Variants in GPC6 observed in about 807,000 individuals in gnomAD.
GPC6 encodes the protein glypican 6.
GPC6 carries 14 observed loss-of-function variants against 55.2 expected under a neutral mutation model. The ratio of observed to expected loss-of-function variants is 0.25; its 90% CI spans 0.17 to 0.40. The LOEUF (loss-of-function observed/expected upper bound fraction) is 0.40, where lower values mean the gene tolerates loss of function less well. GPC6 is among the 10% of genes least tolerant of loss of function. The pLI, the probability that GPC6 is intolerant of heterozygous loss-of-function variation, is 1.00. For synonymous variants in GPC6, 278 were observed against 259.6 expected (o/e 1.07, Z -0.68); for missense variants, 641 against 708.5 (o/e 0.90, Z 1.08).
chr13:93,496,847 G>A (rs974388050), intron 1 of GPC6, among the ~76,000 whole-genome samples: 1 of 152,138 alleles, frequency 6.6e-6, no homozygotes, highest in African/African-American at 2.4e-5. Flanking sequence ...CTGACACAGA[G>A]GACTTATTTT....
chr13:94,247,497 G>A (rs1353800119), intron 4 of GPC6, among the ~76,000 whole-genome samples: 5 of 152,066 alleles, frequency 3.3e-5, no homozygotes, highest in Middle Eastern at 3.4e-3. Flanking sequence ...GCATAAATGG[G>A]TCTTTATAAT....
intron 3 of GPC6, among the ~76,000 whole-genome samples, chr13:93,993,149 C>T (rs1881385755): frequency 6.6e-6 from 1 of 152,032 alleles, no homozygotes; most frequent in African/African-American, 2.4e-5. Context: ...AAATTTCTCA[C>T]CTGCATTATG....
intron 4 of GPC6, among the ~76,000 whole-genome samples, chr13:94,067,500 CTCTG>C (rs1298357775): frequency 5.9e-5 from 9 of 151,858 alleles, no homozygotes; most frequent in Non-Finnish European, 1.0e-4. Context: ...CTCTCTCTCT[CTCTG>C]TGTCTATGTA....
At chr13:94,395,166 C>A (rs939569677) in intron 7 of GPC6, among the ~76,000 whole-genome samples, 1 of 152,150 alleles carries the variant, frequency 6.6e-6, no homozygotes, top group Non-Finnish European at 1.5e-5. Context: ...CGGAGCCTGG[C>A]TCATATAATT....
chr13:94,044,251 C>A (rs1048886318), intron 4 of GPC6, among the ~76,000 whole-genome samples: 1 of 151,630 alleles, frequency 6.6e-6, no homozygotes, highest in African/African-American at 2.4e-5. Flanking sequence ...ATTATATTTC[C>A]TTTTTTCTTA....
intron 1 of GPC6, among the ~76,000 whole-genome samples, chr13:93,489,900 A>C (rs936667313): frequency 6.6e-6 from 1 of 151,594 alleles, no homozygotes; most frequent in Non-Finnish European, 1.5e-5. Context: ...ATATACAATC[A>C]TGTCATCTGC....
intron 1 of GPC6, among the ~76,000 whole-genome samples, chr13:93,265,245 A>G (rs1328367): frequency 0.036 from 5,502 of 152,302 alleles, 186 homozygotes; most frequent in East Asian, 0.11. Context: ...AAAGAAATCA[A>G]TGTGTTTGTT....
chr13:93,635,239 CTT>C (rs1327124204), intron 2 of GPC6, among the ~76,000 whole-genome samples: 1 of 151,980 alleles, frequency 6.6e-6, no homozygotes, highest in Middle Eastern at 3.4e-3. Flanking sequence ...TAGGAACAGT[CTT>C]ATTTTATGAG....
intron 3 of GPC6, among the ~76,000 whole-genome samples, chr13:94,011,722 G>T (rs1439942370): frequency 6.6e-6 from 1 of 152,042 alleles, no homozygotes; most frequent in Non-Finnish European, 1.5e-5. Flanking sequence ...ATTCCGTATG[G>T]TGTGCTGCCC....
chr13:93,226,591 T>G (rs548069435), upstream of GPC6: 1 of 152,372 alleles, frequency 6.6e-6, no homozygotes, highest in African/African-American at 2.4e-5. Context: ...CTTAATAACA[T>G]GTTAATGACT....
intron 1 of GPC6, among the ~76,000 whole-genome samples, chr13:93,385,476 A>G (rs1875359726): frequency 6.6e-6 from 1 of 152,236 alleles, no homozygotes; most frequent in African/African-American, 2.4e-5. Flanking sequence ...AATGGTTTAG[A>G]GGCACCTAAA....
intron 6 of GPC6, among the ~76,000 whole-genome samples, chr13:94,333,954 G>C (rs1314828759): frequency 6.6e-6 from 1 of 152,098 alleles, no homozygotes; most frequent in African/African-American, 2.4e-5. Context: ...GAGAGAGAAA[G>C]GTCATTTTAA....
At chr13:93,661,326 G>A (rs1880911985) in intron 2 of GPC6, among the ~76,000 whole-genome samples, 1 of 152,024 alleles carries the variant, frequency 6.6e-6, no homozygotes, top group Non-Finnish European at 1.5e-5. Context: ...CGATTCTCCT[G>A]CCTTAGCCTT....
intron 2 of GPC6, among the ~76,000 whole-genome samples, chr13:93,557,770 G>A (rs186833259): frequency 6.6e-6 from 1 of 152,296 alleles, no homozygotes; most frequent in East Asian, 1.9e-4. Flanking sequence ...AACTGAAGAA[G>A]TTTGGGGGCC....
At chr13:93,947,877 C>A (rs1271374614) in intron 3 of GPC6, among the ~76,000 whole-genome samples, 1 of 152,042 alleles carries the variant, frequency 6.6e-6, no homozygotes, top group Non-Finnish European at 1.5e-5. Flanking sequence ...AAAATATAGT[C>A]TGAGCACGTA....
In GPC6 at chr13:93,399,047, T is replaced by TACACAC. The variant is rs960083642; in HGVS notation, c.161-146208_161-146203dup. On this transcript the variant is annotated intron_variant, in intron 1 of 8. Coordinates refer to ENST00000377047, the MANE Select transcript of GPC6 (RefSeq NM_005708.5). ...GTTCCCTCTCCCCACATCTCTCTCC[T>TACACAC]ACACACACACACAGACACACACACA... Among the ~76,000 whole-genome samples the TACACAC allele has an allele frequency of 2.5e-4, 25 of 98,456 alleles. No homozygotes were observed. In the South Asian group the frequency reaches 5.0e-3, roughly 20 times the overall value. 64.6% of individuals were successfully genotyped at this position (98,456 alleles called of 152,430 possible). A position where few individuals can be genotyped will look rare whatever the true frequency, so the allele number is the denominator to read the frequency against.
intron 3 of GPC6, among the ~76,000 whole-genome samples, chr13:93,988,553 T>C (rs778529994): frequency 6.6e-6 from 1 of 152,162 alleles, no homozygotes; most frequent in Non-Finnish European, 1.5e-5. Context: ...GCCAGCACAT[T>C]GTGTCTGGTG....
In GPC6 at chr13:93,654,799, A is replaced by G. The variant is rs139406493; in HGVS notation, c.319+109378A>G. ...AGCCTAGAATATTTTCTTAAAAGCA[A>G]ACTTCCAATATGAATCCAAAGACAT... On this transcript the variant is annotated intron_variant, in intron 2 of 8. Coordinates refer to ENST00000377047, the MANE Select transcript of GPC6 (RefSeq NM_005708.5). Among the ~76,000 whole-genome samples the G allele has an allele frequency of 5.4e-3, 823 of 151,932 alleles. 2 individuals are homozygous for G. The highest frequency in any genetic ancestry group is 0.017 in the Middle Eastern group (5 of 294).
chr13:94,215,791 T>G (rs1890209565), intron 4 of GPC6, among the ~76,000 whole-genome samples: 1 of 152,190 alleles, frequency 6.6e-6, no homozygotes. Context: ...ATTTTTATAT[T>G]ACATTTTGTG....
Sources: gnomAD v4.1 joint callset for allele counts (sites outside exome capture counted in the v4.1 genomes callset) on GRCh38, gnomAD v4.1.1 for gene constraint, MANE v1.5 for transcripts, NCBI Gene and HGNC (gene_info 2026-07-23, HGNC 2026-07-21) for gene names.